PRELID2: variants seen among roughly 807,000 people sequenced by gnomAD.
The protein encoded by PRELID2 is PRELI domain-containing protein 2.
PRELID2 carries 25 observed loss-of-function variants against 28.4 expected under a neutral mutation model. That is an observed-to-expected ratio of 0.88 (90% CI 0.64 to 1.23). PRELID2 has a LOEUF of 1.23. PRELID2 is among the 50% of genes most tolerant of loss of function. The pLI is 0.00. For synonymous variants in PRELID2, 76 were observed against 71.6 expected, an observed-to-expected ratio of 1.06 and a Z score of -0.31; for missense variants, 201 against 214.4, an observed-to-expected ratio of 0.94 and a Z score of 0.39.
chr5:145,447,271 T>C, the PRELID2 span, among the ~76,000 whole-genome samples: 1 of 151,808 alleles, frequency 6.6e-6, no homozygotes, highest in Non-Finnish European at 1.5e-5. Flanking sequence ...TCAGTGTTAG[T>C]TAGGGCCTTA....
chr5:145,823,190 T>C, intron 1 of PRELID2, 56 bp from the exon 2 acceptor site: 1 of 879,114 alleles, frequency 1.1e-6, no homozygotes, highest in Non-Finnish European at 1.9e-6. Flanking sequence ...AGGTGAACTA[T>C]TTAGAAGTAA....
the PRELID2 span, among the ~76,000 whole-genome samples, chr5:145,455,437 G>C: frequency 6.6e-6 from 1 of 151,976 alleles, no homozygotes; most frequent in Non-Finnish European, 1.5e-5. Flanking sequence ...GCTCTTTTTT[G>C]GTTCCATATG....
At chr5:145,630,788 C>T (rs1753921994) in intron 1 of PRELID2, among the ~76,000 whole-genome samples, 1 of 152,192 alleles carries the variant, frequency 6.6e-6, no homozygotes, top group South Asian at 2.1e-4. Context: ...GAAACTACTG[C>T]TCACCTTTTA....
the PRELID2 span, among the ~76,000 whole-genome samples, chr5:145,285,686 C>T: frequency 5.9e-5 from 9 of 152,144 alleles, no homozygotes; most frequent in African/African-American, 1.9e-4. Context: ...TTAATCTCTG[C>T]ACAATTAGAC....
At chr5:145,597,351 CA>C (rs1463557460) in intron 1 of PRELID2, among the ~76,000 whole-genome samples, 5 of 152,052 alleles carry the variant, frequency 3.3e-5, no homozygotes, top group African/African-American at 1.2e-4. Flanking sequence ...CATATCTAGC[CA>C]AAGGTACATG....
the PRELID2 span, among the ~76,000 whole-genome samples, chr5:145,355,656 G>A: frequency 1.6e-4 from 25 of 152,112 alleles, no homozygotes; most frequent in Non-Finnish European, 3.5e-4. Flanking sequence ...AAGACACTGA[G>A]AAAAATGAGT....
At chr5:145,499,455 T>G (rs991875124) in intron 1 of PRELID2, among the ~76,000 whole-genome samples, 3 of 152,134 alleles carry the variant, frequency 2.0e-5, no homozygotes, top group African/African-American at 4.8e-5. Flanking sequence ...GCAGTAAAAA[T>G]GGGCAAATAC....
the PRELID2 span, among the ~76,000 whole-genome samples, chr5:145,403,327 CA>C: frequency 3.3e-5 from 5 of 152,224 alleles, no homozygotes; most frequent in South Asian, 1.0e-3. Context: ...AGCTTGAGCC[CA>C]GGAGTTCAAG....
chr5:145,512,692 G>C (rs1279252837), intron 1 of PRELID2, among the ~76,000 whole-genome samples: 1 of 152,208 alleles, frequency 6.6e-6, no homozygotes, highest in Non-Finnish European at 1.5e-5. Context: ...CTGTCTGAGA[G>C]ACACTTCCCA....
the PRELID2 span, among the ~76,000 whole-genome samples, chr5:145,392,026 G>A: frequency 6.6e-6 from 1 of 152,010 alleles, no homozygotes; most frequent in Non-Finnish European, 1.5e-5. Flanking sequence ...ACATTTTCCT[G>A]TCTTCTTCTG....
At chr5:145,309,388 G>A in the PRELID2 span, among the ~76,000 whole-genome samples, 1 of 152,138 alleles carries the variant, frequency 6.6e-6, no homozygotes, top group Non-Finnish European at 1.5e-5. Flanking sequence ...GGATTGAAGT[G>A]TTCATGTTGG....
At chr5:145,582,703 G>A (rs1376281445) in intron 1 of PRELID2, among the ~76,000 whole-genome samples, 4 of 151,966 alleles carry the variant, frequency 2.6e-5, no homozygotes, top group African/African-American at 9.7e-5. Context: ...CAGAAGAAAT[G>A]GATAAATTAC....
chr5:145,253,102 A>G, the PRELID2 span, among the ~76,000 whole-genome samples: 1 of 152,140 alleles, frequency 6.6e-6, no homozygotes, highest in Non-Finnish European at 1.5e-5. Context: ...TTAAAGGAAA[A>G]TATCAAGTTG....
At chr5:145,795,624 C>T (rs1337740229) in intron 5 of PRELID2, 1 of 152,014 alleles carries the variant, frequency 6.6e-6, no homozygotes, top group African/African-American at 2.4e-5. Context: ...TAAACTTATA[C>T]AAAAAGTCCT....
intron 1 of PRELID2, among the ~76,000 whole-genome samples, chr5:145,592,518 C>T (rs6861663): frequency 1 from 151,550 of 152,282 alleles, 75,413 homozygotes; most frequent in Middle Eastern, 1. Flanking sequence ...ATGACCACAG[C>T]AGAATAGAAA....
the PRELID2 span, among the ~76,000 whole-genome samples, chr5:145,245,897 CATTTTT>C: frequency 2.0e-5 from 3 of 151,954 alleles, no homozygotes; most frequent in Non-Finnish European, 4.4e-5. Context: ...GCACTCAACA[CATTTTT>C]ATTTTTGTTT....
chr5:145,476,886 G>A (rs3901056), intron 1 of PRELID2, among the ~76,000 whole-genome samples: 32,097 of 152,072 alleles, frequency 0.21, 3,980 homozygotes, highest in South Asian at 0.35. Context: ...AGAACACAGT[G>A]CCTGATAAAT....
chr5:145,788,816 G>T (rs926050192), intron 5 of PRELID2, among the ~76,000 whole-genome samples: 6 of 152,048 alleles, frequency 3.9e-5, no homozygotes, highest in African/African-American at 9.7e-5. Flanking sequence ...CAGTTAAGTT[G>T]CAGGATACAA....
intron 1 of PRELID2, among the ~76,000 whole-genome samples, chr5:145,654,451 A>G (rs1754355508): frequency 6.6e-6 from 1 of 152,248 alleles, no homozygotes; most frequent in South Asian, 2.1e-4. Flanking sequence ...ACAAAAAAAG[A>G]GAATTTTAGA....
Sources: allele counts gnomAD v4.1 joint callset (sites outside exome capture counted in the v4.1 genomes callset), GRCh38; gene constraint gnomAD v4.1.1; transcripts MANE v1.5; gene names NCBI Gene and HGNC (gene_info 2026-07-23, HGNC 2026-07-21).